The following STX18 variants were observed in gnomAD, a reference collection of about 807,000 sequenced individuals.
STX18 encodes the protein syntaxin-18.
A neutral mutation model predicts 50.1 loss-of-function variants in STX18; 40 were observed. The observed-to-expected ratio is 0.80, with a 90% CI of 0.62 to 1.04. STX18 has a LOEUF of 1.04. Among genes scored for constraint, STX18 ranks in the 50% least tolerant of loss-of-function variants. STX18 has a pLI of 0.00. For missense variants in STX18, 410 were observed against 415.8 expected (o/e 0.99, Z 0.12); for synonymous variants, 158 against 151.8 (o/e 1.04, Z -0.30).
At chr4:4,437,308 C>T (rs1725842751) in intron 6 of STX18, among the ~76,000 whole-genome samples, 1 of 152,176 alleles carries the variant, frequency 6.6e-6, no homozygotes. Flanking sequence ...GCCCTCTGCT[C>T]TCTCTTGAGG....
intron 2 of STX18, among the ~76,000 whole-genome samples, chr4:4,471,307 G>C (rs767683640): frequency 6.6e-6 from 1 of 152,202 alleles, no homozygotes; most frequent in African/African-American, 2.4e-5. Flanking sequence ...TGAAAACTTT[G>C]TTCTTCCACA....
intron 7 of STX18, among the ~76,000 whole-genome samples, chr4:4,431,875 G>T (rs1428962128): frequency 1.3e-5 from 2 of 152,060 alleles, no homozygotes; most frequent in Non-Finnish European, 2.9e-5. Flanking sequence ...CTCTCAACCT[G>T]ACTGACAGCA....
intron 3 of STX18, 46 bp downstream of exon 3, chr4:4,459,326 T>C (rs757510955): frequency 1.4e-6 from 2 of 1,392,074 alleles, no homozygotes; most frequent in Non-Finnish European, 2.0e-6. Flanking sequence ...GTTTAACTAC[T>C]TGCTATATTC....
At chr4:4,472,339 C>CA (rs1283700882) in intron 1 of STX18, among the ~76,000 whole-genome samples, 3 of 152,188 alleles carry the variant, frequency 2.0e-5, no homozygotes, top group Non-Finnish European at 4.4e-5. Context: ...ATGGAACTAG[C>CA]AATTCACAAA....
chr4:4,421,447 G>C (rs1334971384), intron 9 of STX18, among the ~76,000 whole-genome samples: 1 of 152,060 alleles, frequency 6.6e-6, no homozygotes, highest in Non-Finnish European at 1.5e-5. Context: ...GAGATGGGGG[G>C]TCTCCCTATG....
At chr4:4,485,984 G>A (rs1256188362) in intron 1 of STX18, among the ~76,000 whole-genome samples, 1 of 152,202 alleles carries the variant, frequency 6.6e-6, no homozygotes, top group African/African-American at 2.4e-5. Context: ...AGTACGAGTG[G>A]TGGATGGTCA....
At chr4:4,493,817 A>G (rs2108867823) in intron 1 of STX18, among the ~76,000 whole-genome samples, 1 of 152,340 alleles carries the variant, frequency 6.6e-6, no homozygotes, top group East Asian at 1.9e-4. Context: ...TGTAGCTGGA[A>G]TATCTTCATT....
chr4:4,530,886 C>T lies in STX18; in HGVS notation c.168+10911G>A, dbSNP rs141117201. Among the ~76,000 whole-genome samples, 305 of 152,286 alleles carry T rather than the reference C, an allele frequency of 2.0e-3. 4 individuals carry two copies. Among genetic ancestry groups the T allele is most frequent in the Admixed American group, 9.9e-3 (152 of 15,298 alleles). On this transcript the variant is annotated intron_variant, in intron 1 of 10. Coordinates refer to ENST00000306200, the MANE Select transcript of STX18 (RefSeq NM_016930.4). ...CCTCCCAAAGTACTGGGATTACAGG[C>T]ATGAGCCACCATACCCGGTCAAACT...
Position 4,437,393 on chromosome 4 carries a change from C to T in STX18, c.613+1001G>A, listed in dbSNP as rs184867583. Among the ~76,000 whole-genome samples, 390 of 152,328 alleles carry T rather than the reference C, an allele frequency of 2.6e-3. 11 individuals carry two copies. The highest frequency in any genetic ancestry group is 0.016 in the Admixed American group (243 of 15,298). On this transcript the variant is annotated intron_variant, in intron 6 of 10. Coordinates refer to ENST00000306200, the MANE Select transcript of STX18 (RefSeq NM_016930.4). ...GTGAGCTCCCTGAGGGCAGGAATCA[C>T]ATCCCTGAAACTTATTGAGCTCCAA...
chr4:4,481,128 C>T (rs979496206), intron 1 of STX18, among the ~76,000 whole-genome samples: 6 of 152,118 alleles, frequency 3.9e-5, no homozygotes, highest in Admixed American at 6.6e-5. Flanking sequence ...ACCCAAAGCA[C>T]GATATACTGT....
intron 7 of STX18, among the ~76,000 whole-genome samples, chr4:4,428,622 T>C: frequency 6.6e-6 from 1 of 152,174 alleles, no homozygotes; most frequent in Non-Finnish European, 1.5e-5. Flanking sequence ...TTCTACCCTC[T>C]AGTCTCAAAG....
upstream of STX18, chr4:4,542,185 C>G (rs746948146): frequency 9.7e-6 from 5 of 514,290 alleles, no homozygotes; most frequent in Non-Finnish European, 1.6e-5. Flanking sequence ...CCTCGCGACG[C>G]GCTCTCGGGC....
At chr4:4,517,782 A>C (rs61542488) in intron 1 of STX18, among the ~76,000 whole-genome samples, 118 of 140,268 alleles carry the variant, frequency 8.4e-4, no homozygotes, top group African/African-American at 2.9e-3. Flanking sequence ...TTTTTTCTTT[A>C]TTTTTTTTTT....
At chr4:4,535,754 C>T (rs867854652) in intron 1 of STX18, among the ~76,000 whole-genome samples, 2 of 152,336 alleles carry the variant, frequency 1.3e-5, no homozygotes, top group Middle Eastern at 6.8e-3. Flanking sequence ...CCCAATCCTA[C>T]TTCTGTATGG....
In STX18 at chr4:4,487,925, C is replaced by A. The variant is rs563562626; in HGVS notation, c.169-16219G>T. On this transcript the variant is annotated intron_variant, in intron 1 of 10. Transcript: ENST00000306200. ...TCAACAAATGTCTAGGAACATTCAA[C>A]AAACGAAGAGGTGATACATTTTATC... is the stretch of plus-strand genomic sequence containing the variant. Among the ~76,000 whole-genome samples the A allele has an allele frequency of 9.2e-5, 14 of 152,144 alleles. No homozygotes were observed. The East Asian group carries it at 2.7e-3, about 29-fold the overall frequency.
chr4:4,537,454 A>G (rs1731395479), intron 1 of STX18, among the ~76,000 whole-genome samples: 2 of 152,266 alleles, frequency 1.3e-5, no homozygotes, highest in East Asian at 1.9e-4. Flanking sequence ...GTGGACATAG[A>G]CCTGACCAAT....
chr4:4,494,310 A>C (rs1334044243), intron 1 of STX18, among the ~76,000 whole-genome samples: 1 of 152,322 alleles, frequency 6.6e-6, no homozygotes, highest in South Asian at 2.1e-4. Flanking sequence ...AATAAAATGA[A>C]GAGACTGCAT....
rs746733573 is a variant in STX18 at position 4,420,016 on chromosome 4, G to T, written c.*18C>A. 2 of 1,600,318 alleles carry T rather than the reference G, an allele frequency of 1.2e-6. No homozygotes were observed. The highest frequency in any genetic ancestry group is 1.7e-6 in the Non-Finnish European group (2 of 1,172,866). Reference sequence around the variant, plus strand: ...GAGTGCCCATGAGGACTCTCGTGCTGGGCCCCCGTGGCCCTGGCTAGCTGT... The same window carrying T: ...GAGTGCCCATGAGGACTCTCGTGCTTGGCCCCCGTGGCCCTGGCTAGCTGT... On this transcript the variant is annotated 3_prime_UTR_variant, in exon 11 of 11. Transcript: ENST00000306200. The surrounding 1 kb of genome is among the most constrained non-coding windows in gnomAD (Gnocchi z 4.3).
intron 6 of STX18, 106 bp downstream of exon 6, chr4:4,438,288 A>C: frequency 1.1e-6 from 1 of 872,544 alleles, no homozygotes; most frequent in African/African-American, 1.7e-5. Context: ...TGCAAATACA[A>C]ACACCAAAAC....
Sources: gnomAD v4.1 joint callset for allele counts (sites outside exome capture counted in the v4.1 genomes callset) on GRCh38, gnomAD v4.1.1 for gene constraint, Gnocchi (gnomAD v3.1) non-coding constraint, MANE v1.5 for transcripts, NCBI Gene and HGNC (gene_info 2026-07-23, HGNC 2026-07-21) for gene names.